Variants in NEK10 observed in about 807,000 individuals in gnomAD.
NEK10 encodes the protein serine/threonine-protein kinase Nek10.
NEK10 carries 122 observed loss-of-function variants against 159.8 expected under a neutral mutation model. The observed-to-expected ratio is 0.76, with a 90% CI of 0.66 to 0.89. NEK10 has a LOEUF of 0.89. Ranked by LOEUF, NEK10 falls within the 40% of genes least tolerant of loss-of-function variation. The probability of loss-of-function intolerance (pLI) is 0.00; values close to 1 mark genes in which losing one functional copy is unlikely to be tolerated. For synonymous variants in NEK10, 466 were observed against 457.1 expected (o/e 1.02, Z -0.25); for missense variants, 1,342 against 1,323.1 (o/e 1.01, Z -0.22).
At position 27,204,010 on chromosome 3, in the gene NEK10, G is replaced by A. The variant is rs117211640; in HGVS notation, c.2091-1453C>T. 1.3e-3 allele frequency among the ~76,000 whole-genome samples: 198 copies of A among 152,036 alleles called. 2 individuals are homozygous for A. Among genetic ancestry groups the A allele is most frequent in the East Asian group, 0.011 (55 of 5,146 alleles). On this transcript the variant is annotated intron_variant, in intron 23 of 35. Coordinates refer to ENST00000691995, the MANE Select transcript of NEK10 (RefSeq NM_001394966.1). Reference sequence around the variant, plus strand: ...CAACTGCTCATGTTAAAAAAAAAATGCTTTAACAAGAAGAAAACATGCTCA... The same window carrying A: ...CAACTGCTCATGTTAAAAAAAAAATACTTTAACAAGAAGAAAACATGCTCA...
intron 10 of NEK10, among the ~76,000 whole-genome samples, 183 bp from the exon 11 acceptor site, chr3:27,308,128 A>C (rs1293295956): frequency 6.6e-6 from 1 of 152,220 alleles, no homozygotes; most frequent in Non-Finnish European, 1.5e-5. Context: ...TCATGGTGGA[A>C]GATAAAGGAG....
chr3:27,367,720 G>T (rs942731353), intron 1 of NEK10, among the ~76,000 whole-genome samples: 1 of 152,186 alleles, frequency 6.6e-6, no homozygotes, highest in Non-Finnish European at 1.5e-5. Flanking sequence ...GGTCTCTGCC[G>T]TCACAGAGGC....
chr3:27,192,485 T>C (rs1372235363), intron 25 of NEK10, among the ~76,000 whole-genome samples: 1 of 152,020 alleles, frequency 6.6e-6, no homozygotes, highest in Non-Finnish European at 1.5e-5. Context: ...AGGTAAGGGT[T>C]CCAGGCTGAG....
intron 19 of NEK10, among the ~76,000 whole-genome samples, chr3:27,288,434 T>G (rs2042773152): frequency 1.3e-5 from 2 of 152,090 alleles, no homozygotes; most frequent in Admixed American, 1.3e-4. Context: ...TCCAATTAAG[T>G]TTCTCATCCA....
chr3:27,308,535 C>T (rs2044422660), intron 10 of NEK10, among the ~76,000 whole-genome samples: 1 of 152,074 alleles, frequency 6.6e-6, no homozygotes, highest in Non-Finnish European at 1.5e-5. Context: ...GAGGAAAGAT[C>T]TTCTTGAAAA....
intron 23 of NEK10, among the ~76,000 whole-genome samples, chr3:27,230,768 GC>G (rs1402643279): frequency 1.3e-5 from 2 of 151,960 alleles, no homozygotes; most frequent in East Asian, 3.9e-4. Flanking sequence ...GTAAGAAAAG[GC>G]AAAGAAGGAC....
chr3:27,360,785 G>C (rs891983915), intron 1 of NEK10, among the ~76,000 whole-genome samples: 17 of 152,144 alleles, frequency 1.1e-4, no homozygotes, highest in African/African-American at 3.9e-4. Flanking sequence ...ACAAAGACAC[G>C]GTTGGTACAG....
chr3:27,319,335 T>C (rs1055209121), intron 6 of NEK10, among the ~76,000 whole-genome samples: 13 of 152,228 alleles, frequency 8.5e-5, no homozygotes, highest in African/African-American at 3.1e-4. Context: ...ATGGCTTCTC[T>C]GTCATTCCTT....
At chr3:27,167,592 G>T (rs1451546106) in intron 29 of NEK10, among the ~76,000 whole-genome samples, 1 of 152,132 alleles carries the variant, frequency 6.6e-6, no homozygotes, top group Non-Finnish European at 1.5e-5. Flanking sequence ...TCCTCAATGT[G>T]TATATACTAG....
Position 27,317,584 on chromosome 3 carries a change from A to G in NEK10, c.448-3246T>C, listed in dbSNP as rs146964730. Among the ~76,000 whole-genome samples, 406 of 152,300 alleles carry G rather than the reference A, an allele frequency of 2.7e-3. 3 individuals are homozygous for G. Among genetic ancestry groups the G allele is most frequent in the African/African-American group, 9.5e-3 (395 of 41,568 alleles). On this transcript the variant is annotated intron_variant, in intron 6 of 35. Coordinates refer to ENST00000691995, the MANE Select transcript of NEK10 (RefSeq NM_001394966.1). ...CAATAATATAATACTGGTAAAAAGT[A>G]TGTTTTTAAGAATGGAGCACATTTT...
intron 5 of NEK10, among the ~76,000 whole-genome samples, chr3:27,325,057 A>T (rs1208656268): frequency 6.6e-6 from 1 of 152,186 alleles, no homozygotes; most frequent in Non-Finnish European, 1.5e-5. Flanking sequence ...TTCTAACCAC[A>T]GTGTATGTTG....
intron 23 of NEK10, among the ~76,000 whole-genome samples, chr3:27,246,543 G>A (rs1266621442): frequency 2.0e-5 from 3 of 152,070 alleles, no homozygotes; most frequent in Non-Finnish European, 4.4e-5. Flanking sequence ...CAAGCATTGT[G>A]TTAAAACAAT....
chr3:27,172,361 T>G (rs1193278628), intron 28 of NEK10, among the ~76,000 whole-genome samples: 7 of 116,130 alleles, frequency 6.0e-5, no homozygotes, highest in Admixed American at 8.4e-5. Context: ...AAAAAAAAAC[T>G]TAAAATACAT....
At chr3:27,232,599 A>G (rs183703984) in intron 23 of NEK10, among the ~76,000 whole-genome samples, 78 of 152,188 alleles carry the variant, frequency 5.1e-4, no homozygotes, top group Non-Finnish European at 1.0e-3. Context: ...GAGCCCACAT[A>G]GCCAAAGCAA....
Position 27,349,144 on chromosome 3 carries a change from A to G in NEK10, c.133-2928T>C, listed in dbSNP as rs938894920. On this transcript the variant is annotated intron_variant, in intron 3 of 35. Transcript: ENST00000691995. ...GTGTCACTTCTGCTTGCAAACTTCA[A>G]CGTTCTCTGTTGCTGATGGAATCAA... Among the ~76,000 whole-genome samples the G allele has an allele frequency of 4.0e-5, 6 of 151,890 alleles. No individual in the cohort carries two copies. In the South Asian group the frequency reaches 1.0e-3, roughly 26 times the overall value.
At chr3:27,152,602 C>CAA (rs565800978) in intron 30 of NEK10, among the ~76,000 whole-genome samples, 7 of 145,036 alleles carry the variant, frequency 4.8e-5, no homozygotes, top group African/African-American at 1.8e-4. Flanking sequence ...AACCAAAAAA[C>CAA]AAAAAAAAAA....
intron 22 of NEK10, among the ~76,000 whole-genome samples, chr3:27,281,861 T>C (rs1335358530): frequency 6.6e-6 from 1 of 152,174 alleles, no homozygotes; most frequent in African/African-American, 2.4e-5. Context: ...GTGGGAGTAC[T>C]TATCATGTTT....
At chr3:27,139,819 C>A (rs1310643091) in intron 31 of NEK10, among the ~76,000 whole-genome samples, 1 of 152,160 alleles carries the variant, frequency 6.6e-6, no homozygotes, top group Non-Finnish European at 1.5e-5. Context: ...GACTTGCACA[C>A]CCACTCCCTA....
At chr3:27,175,828 A>C (rs993767690) in intron 26 of NEK10, among the ~76,000 whole-genome samples, 1 of 152,178 alleles carries the variant, frequency 6.6e-6, no homozygotes, top group Non-Finnish European at 1.5e-5. Context: ...AAAAAGGTGC[A>C]TTTATTGAAG....
Sources: gnomAD v4.1 joint callset for allele counts (sites outside exome capture counted in the v4.1 genomes callset) on GRCh38, gnomAD v4.1.1 for gene constraint, MANE v1.5 for transcripts, NCBI Gene and HGNC (gene_info 2026-07-23, HGNC 2026-07-21) for gene names.